Variants in ENTREP1 observed in about 807,000 individuals in gnomAD.
The protein encoded by ENTREP1 is Friedreich ataxia region gene X123.
chr9:69,369,549 A>G, the ENTREP1 span, among the ~76,000 whole-genome samples: 4 of 149,738 alleles, frequency 2.7e-5, no homozygotes, highest in East Asian at 7.8e-4. Context: ...ATGGTATCTC[A>G]TTGTGTTTTT....
At chr9:69,342,110 C>T in the ENTREP1 span, among the ~76,000 whole-genome samples, 1 of 151,676 alleles carries the variant, frequency 6.6e-6, no homozygotes, top group African/African-American at 2.4e-5. Context: ...TTATTTCACT[C>T]TGTTTATTAA....
the ENTREP1 span, among the ~76,000 whole-genome samples, chr9:69,369,607 T>TA: frequency 2.6e-5 from 4 of 151,832 alleles, no homozygotes; most frequent in South Asian, 6.2e-4. Flanking sequence ...TTTTTTTTTT[T>TA]ATCATATGAC....
chr9:69,328,495 A>C, the ENTREP1 span, among the ~76,000 whole-genome samples: 2 of 152,204 alleles, frequency 1.3e-5, no homozygotes, highest in African/African-American at 4.8e-5. Context: ...ACACATGGCC[A>C]CTTTATACCT....
the ENTREP1 span, among the ~76,000 whole-genome samples, chr9:69,370,086 G>A: frequency 3.3e-5 from 5 of 152,106 alleles, no homozygotes; most frequent in African/African-American, 1.2e-4. Context: ...AGTGTTAGGA[G>A]TAATGGGCCC....
the ENTREP1 span, among the ~76,000 whole-genome samples, chr9:69,340,682 CAT>C: frequency 0.012 from 202 of 16,296 alleles, 12 homozygotes; most frequent in Middle Eastern, 0.048. Context: ...TGTGTGCATG[CAT>C]GTGTGTGTGT....
chr9:69,325,737 G>T, the ENTREP1 span: 1 of 1,226,188 alleles, frequency 8.2e-7, no homozygotes, highest in Non-Finnish European at 1.0e-6. Context: ...AGTACCGCGC[G>T]CGCGCCCCGT....
the ENTREP1 span, among the ~76,000 whole-genome samples, chr9:69,370,639 TC>T: frequency 6.6e-6 from 1 of 152,084 alleles, no homozygotes; most frequent in East Asian, 1.9e-4. Flanking sequence ...AAAATGGGTC[TC>T]GGGAAATGCT....
At chr9:69,389,074 AG>A in the ENTREP1 span, among the ~76,000 whole-genome samples, 1 of 152,182 alleles carries the variant, frequency 6.6e-6, no homozygotes, top group Non-Finnish European at 1.5e-5. Context: ...TGGACTAGGT[AG>A]TCTCTCTACC....
At chr9:69,372,226 A>T in the ENTREP1 span, among the ~76,000 whole-genome samples, 1 of 152,218 alleles carries the variant, frequency 6.6e-6, no homozygotes, top group Non-Finnish European at 1.5e-5. Flanking sequence ...TACCATCTTA[A>T]CCATTTTTAA....
chr9:69,383,330 C>T, the ENTREP1 span: 22 of 1,059,668 alleles, frequency 2.1e-5, no homozygotes, highest in East Asian at 5.3e-5. Flanking sequence ...TTCCCTTCTC[C>T]CCCATCCCCT....
the ENTREP1 span, among the ~76,000 whole-genome samples, chr9:69,390,086 A>C: frequency 6.6e-6 from 1 of 152,254 alleles, no homozygotes; most frequent in East Asian, 1.9e-4. Context: ...ATTTTCACTG[A>C]TATCAAAACC....
chr9:69,385,566 T>C, the ENTREP1 span, among the ~76,000 whole-genome samples: 9 of 152,172 alleles, frequency 5.9e-5, no homozygotes, highest in African/African-American at 2.2e-4. Flanking sequence ...TAAATTTTTC[T>C]GTTTGTTTGT....
At chr9:69,372,744 A>C in the ENTREP1 span, among the ~76,000 whole-genome samples, 1 of 152,108 alleles carries the variant, frequency 6.6e-6, no homozygotes, top group Non-Finnish European at 1.5e-5. Flanking sequence ...TTTTTGAGGA[A>C]ACTTTGTATG....
At chr9:69,368,005 T>C in the ENTREP1 span, among the ~76,000 whole-genome samples, 2 of 151,040 alleles carry the variant, frequency 1.3e-5, no homozygotes, top group African/African-American at 4.9e-5. Context: ...TCATTTGTTG[T>C]TGGTGTATAT....
the ENTREP1 span, among the ~76,000 whole-genome samples, chr9:69,339,980 G>C: frequency 1.3e-5 from 2 of 152,118 alleles, no homozygotes; most frequent in Non-Finnish European, 2.9e-5. Context: ...AGTTCCCCGA[G>C]AACAAGAGTC....
At chr9:69,336,659 A>G in the ENTREP1 span, among the ~76,000 whole-genome samples, 2 of 152,222 alleles carry the variant, frequency 1.3e-5, no homozygotes, top group South Asian at 4.2e-4. Context: ...CTTTACAGCT[A>G]TACTCCCACT....
chr9:69,324,930 G>A, the ENTREP1 span: 723,722 of 984,728 alleles, frequency 0.73, 267,374 homozygotes, highest in South Asian at 0.81. Context: ...CTCCCACCTC[G>A]AGGGACTTAC....
the ENTREP1 span, chr9:69,391,774 C>T: frequency 1.2e-6 from 2 of 1,611,202 alleles, no homozygotes; most frequent in Non-Finnish European, 1.7e-6. Flanking sequence ...CACACAGCCT[C>T]ATTGGGGTCA....
the ENTREP1 span, among the ~76,000 whole-genome samples, chr9:69,342,520 G>T: frequency 6.6e-6 from 1 of 152,114 alleles, no homozygotes. Context: ...AAATGTTTTG[G>T]GAATTTTATC....
Sources: gnomAD v4.1 joint callset for allele counts (sites outside exome capture counted in the v4.1 genomes callset) on GRCh38, gnomAD v4.1.1 for gene constraint, MANE v1.5 for transcripts, NCBI Gene and HGNC (gene_info 2026-07-23, HGNC 2026-07-21) for gene names.